The following SNAPC3 variants were observed in gnomAD, a reference collection of about 807,000 sequenced individuals.
SNAPC3 encodes the protein small nuclear RNA activating complex polypeptide 3.
In SNAPC3, 56 loss-of-function variants were observed where a neutral mutation model predicts 47.7. That is an observed-to-expected ratio of 1.18 (90% CI 0.95 to 1.47). The LOEUF (loss-of-function observed/expected upper bound fraction) is 1.47, where lower values mean the gene tolerates loss of function less well. SNAPC3 is among the 40% of genes most tolerant of loss of function. The pLI, the probability that SNAPC3 is intolerant of heterozygous loss-of-function variation, is 0.00. For synonymous variants in SNAPC3, 235 were observed against 189.9 expected (o/e 1.24, Z -1.95); for missense variants, 665 against 511.3 (o/e 1.30, Z -2.90).
chr9:15,447,213 C>A lies in SNAPC3; in HGVS notation c.701C>A (p.Thr234Asn), dbSNP rs1269217446. The A allele has an allele frequency of 1.2e-6, 2 of 1,614,122 alleles. No individual in the cohort carries two copies. Among genetic ancestry groups the A allele is most frequent in the Non-Finnish European group, 1.7e-6 (2 of 1,179,980 alleles). ...CAGATTGGTGGTGAATTCAGCAACA[C>A]TCCTGACCAAGCCCCTGAGCACATC... ...DLQIGGEFSN[T>N]PDQAPEHISK... The change falls in exon 5 of 9, where the codon ACT (threonine) becomes AAT (asparagine). Residue 234 changes from threonine (T) to asparagine (N), a missense_variant. Coordinates refer to ENST00000380821, the MANE Select transcript of SNAPC3 (RefSeq NM_001039697.2).
chr9:15,451,994 C>T (rs772545331), intron 6 of SNAPC3, among the ~76,000 whole-genome samples: 91 of 151,904 alleles, frequency 6.0e-4, no homozygotes, highest in Non-Finnish European at 8.5e-4. Context: ...GAAAAAGTCT[C>T]GTTCTGTCAC....
intron 2 of SNAPC3, among the ~76,000 whole-genome samples, chr9:15,433,282 AAAC>A (rs764324792): frequency 3.3e-5 from 5 of 152,100 alleles, no homozygotes; most frequent in Non-Finnish European, 5.9e-5. Context: ...AAAAAAAAAA[AAAC>A]GAGTAAATTA....
chr9:15,460,044 C>G lies in SNAPC3; in HGVS notation c.*178C>G, dbSNP rs1017030974. ...AATGATAGTATTTAAATGTTTATAA[C>G]ATAGTTTAATTTTATATTTATTCCA... On this transcript the variant is annotated 3_prime_UTR_variant, in exon 9 of 9. Coordinates refer to ENST00000380821, the MANE Select transcript of SNAPC3 (RefSeq NM_001039697.2). The G allele has an allele frequency of 2.2e-6, 1 of 447,038 alleles. No homozygotes were observed. Among genetic ancestry groups the G allele is most frequent in the African/African-American group, 2.0e-5 (1 of 49,818 alleles). 27.7% of individuals were successfully genotyped at this position (447,038 alleles called of 1,614,324 possible).
downstream of SNAPC3, chr9:15,466,712 A>G: frequency 4.6e-6 from 7 of 1,508,070 alleles, no homozygotes; most frequent in Non-Finnish European, 6.3e-6. Context: ...CTGAATAATA[A>G]AAAACACACA....
At chr9:15,430,930 T>G (rs945262049) in intron 2 of SNAPC3, among the ~76,000 whole-genome samples, 1 of 152,132 alleles carries the variant, frequency 6.6e-6, no homozygotes, top group South Asian at 2.1e-4. Flanking sequence ...ATCTTCAAAT[T>G]TACCTCTTTT....
chr9:15,429,886 A>T (rs2131759950), intron 2 of SNAPC3, among the ~76,000 whole-genome samples: 1 of 152,318 alleles, frequency 6.6e-6, no homozygotes, highest in Non-Finnish European at 1.5e-5. Flanking sequence ...AGCTAAAAAT[A>T]AAGGGTTAGA....
intron 3 of SNAPC3, chr9:15,433,892 T>TTA (rs751942410): frequency 7.7e-5 from 22 of 284,134 alleles, no homozygotes; most frequent in South Asian, 3.9e-4. Context: ...TAGGCTAAAT[T>TTA]TATGCCTTTT....
At chr9:15,456,575 G>A (rs186584741) in intron 7 of SNAPC3, among the ~76,000 whole-genome samples, 7 of 151,708 alleles carry the variant, frequency 4.6e-5, no homozygotes, top group African/African-American at 9.7e-5. Flanking sequence ...TGAAGTAGTC[G>A]TCTTCCCTCA....
rs535927000 is a variant in SNAPC3 at position 15,435,326 on chromosome 9, A to G, written c.477+1690A>G. ...CATGGCTAACGCTTGTAATCCCAGCACTTTGGGAGGCCGAGGTGGGTGGAT... is the reference window on the plus strand; with the variant it reads ...CATGGCTAACGCTTGTAATCCCAGCGCTTTGGGAGGCCGAGGTGGGTGGAT... On this transcript the variant is annotated intron_variant, in intron 3 of 8. Transcript: ENST00000380821. 7.9e-5 allele frequency among the ~76,000 whole-genome samples: 12 copies of G among 152,264 alleles called. No individual in the cohort carries two copies. In the East Asian group the frequency reaches 2.3e-3, roughly 29 times the overall value.
intron 3 of SNAPC3, among the ~76,000 whole-genome samples, chr9:15,442,121 C>G (rs976528930): frequency 4.6e-5 from 7 of 150,598 alleles, no homozygotes; most frequent in African/African-American, 1.7e-4. Context: ...TGCCCCCCAC[C>G]TCCCTCCGGG....
At chr9:15,457,275 T>A (rs371630242) in intron 7 of SNAPC3, among the ~76,000 whole-genome samples, 10 of 152,180 alleles carry the variant, frequency 6.6e-5, no homozygotes, top group African/African-American at 2.2e-4. Context: ...CTGAGTAGCT[T>A]TGCCCAAATT....
At chr9:15,453,506 T>C (rs779306737) in intron 7 of SNAPC3, 3 of 208,148 alleles carry the variant, frequency 1.4e-5, no homozygotes, top group Non-Finnish European at 2.8e-5. Context: ...GTTATTCAGA[T>C]ATAGTACTTA....
At chr9:15,464,929 C>CA (rs1407491903), downstream of SNAPC3, 31 of 212,760 alleles carry the variant, frequency 1.5e-4, no homozygotes, top group Non-Finnish European at 2.3e-4. Flanking sequence ...GTTGTCATAC[C>CA]AAAAAAAACC....
rs898760829 is a variant in SNAPC3, at chr9:15,461,210, A to AG, written c.*1345dup. 3.3e-5 allele frequency: 5 copies of AG among 151,852 alleles called. No individual in the cohort carries two copies. Among genetic ancestry groups the AG allele is most frequent in the Non-Finnish European group, 5.9e-5 (4 of 68,002 alleles). 9.4% of individuals were successfully genotyped at this position (151,852 alleles called of 1,614,324 possible). ...GGTCTTACTGTGTCACCCAGGCTGG[A>AG]GTACAGTGGCGTGATCTTGGCTCAC... On this transcript the variant is annotated 3_prime_UTR_variant, in exon 9 of 9. Transcript: ENST00000380821.
At chr9:15,427,657 A>G (rs918046873) in intron 2 of SNAPC3, among the ~76,000 whole-genome samples, 1 of 152,212 alleles carries the variant, frequency 6.6e-6, no homozygotes, top group African/African-American at 2.4e-5. Context: ...CTTCAGCAAC[A>G]TTACTTTTAA....
rs1344657835 is a variant in SNAPC3, at chr9:15,460,752, A to T, written c.*886A>T. The T allele has an allele frequency of 6.6e-6, 1 of 152,256 alleles. No homozygotes were observed. The highest frequency in any genetic ancestry group is 2.4e-5 in the African/African-American group (1 of 41,476). 9.4% of individuals were successfully genotyped at this position (152,256 alleles called of 1,614,324 possible). A position where few individuals can be genotyped will look rare whatever the true frequency, so the allele number is the denominator to read the frequency against. On this transcript the variant is annotated 3_prime_UTR_variant, in exon 9 of 9. Coordinates refer to ENST00000380821, the MANE Select transcript of SNAPC3 (RefSeq NM_001039697.2). The stretch of plus-strand genomic sequence containing the variant: ...AATGTTAGGTTTTGTTTTGGAGGAA[A>T]CTAGGCATACAAGACATGTTAATAA...
chr9:15,435,418 C>A (rs1325362098), intron 3 of SNAPC3, among the ~76,000 whole-genome samples: 1 of 152,056 alleles, frequency 6.6e-6, no homozygotes, highest in Non-Finnish European at 1.5e-5. Context: ...ACTAAAAATA[C>A]AAAAATTAGC....
intron 5 of SNAPC3, among the ~76,000 whole-genome samples, chr9:15,449,176 G>C (rs910140892): frequency 1.3e-5 from 2 of 152,108 alleles, no homozygotes. Context: ...CAAAAAAAAC[G>C]TAAGATGTAA....
intron 8 of SNAPC3, among the ~76,000 whole-genome samples, chr9:15,458,294 C>T (rs1028057823): frequency 2.6e-5 from 4 of 151,948 alleles, no homozygotes; most frequent in African/African-American, 9.7e-5. Context: ...AAATTTCAGG[C>T]TTGTAAAATG....
Sources: gnomAD v4.1 joint callset for allele counts (sites outside exome capture counted in the v4.1 genomes callset) on GRCh38, gnomAD v4.1.1 for gene constraint, MANE v1.5 for transcripts, NCBI Gene and HGNC (gene_info 2026-07-23, HGNC 2026-07-21) for gene names.